ZNF785: variants seen among roughly 807,000 people sequenced by gnomAD.
The protein encoded by ZNF785 is zinc finger protein 785.
Under a neutral mutation model 11.3 loss-of-function variants are expected in ZNF785, and 15 were observed. The observed-to-expected ratio is 1.32, with a 90% confidence interval of 0.89 to 2.04. The LOEUF is 2.04. Ranked by LOEUF, ZNF785 falls within the 30% of genes most tolerant of loss-of-function variation. ZNF785 has a pLI of 0.00. For synonymous variants in ZNF785, 221 were observed against 231.0 expected (o/e 0.96, Z 0.39); for missense variants, 572 against 560.9 (o/e 1.02, Z -0.20).
At chr16:30,580,007 C>A (rs2051785834), downstream of ZNF785, among the ~76,000 whole-genome samples, 1 of 151,388 alleles carries the variant, frequency 6.6e-6, no homozygotes, top group South Asian at 2.1e-4. Context: ...CCTGCCTCAG[C>A]CTCCCCAGTA....
chr16:30,580,404 G>A (rs573198948), downstream of ZNF785, among the ~76,000 whole-genome samples: 1 of 149,412 alleles, frequency 6.7e-6, no homozygotes, highest in Admixed American at 6.7e-5. Context: ...ACCCAGGCTG[G>A]AGTGCAGTGG....
Position 30,582,592 on chromosome 16 carries a change from G to A in ZNF785, c.1186C>T (p.His396Tyr), listed in dbSNP as rs2051825799. The A allele has an allele frequency of 1.2e-6, 2 of 1,614,108 alleles. No homozygotes were observed. Among genetic ancestry groups the A allele is most frequent in the Admixed American group, 1.7e-5 (1 of 60,022 alleles). Residue 396 changes from histidine (H) to tyrosine (Y), a missense_variant, in exon 3 of 3, where the codon CAC becomes TAC. By Grantham distance (83) the His-to-Tyr change is moderately conservative (BLOSUM62 2). Coordinates refer to ENST00000395216, the MANE Select transcript of ZNF785 (RefSeq NM_152458.7). ...CACTCTTGAAATATATCTGGAAAGT[G>A]CCGGAAGTGAACTGGGGGATCCTTG... Reference protein sequence around the residue: ...GGKDPPVHFRHFPDIFQECG With the variant: ...GGKDPPVHFRYFPDIFQECG
chr16:30,584,691 G>A (rs997205891), intron 2 of ZNF785, among the ~76,000 whole-genome samples: 9 of 152,166 alleles, frequency 5.9e-5, no homozygotes, highest in Admixed American at 4.6e-4. Context: ...GGTTCCACGG[G>A]AAGACCTTCT....
In ZNF785 at chr16:30,583,151, G is replaced by A; in HGVS notation, c.627C>T (p.Phe209=). ...PFSCGQCQAR[F]SQRRYLLQHQ... ...GCTGGAGCAGGTACCTGCGCTGGGA[G>A]AAACGCGCCTGACACTGGCCGCAGG... is the stretch of plus-strand genomic sequence containing the variant. Residue 209 remains phenylalanine, a synonymous_variant, in exon 3 of 3, where the codon TTC becomes TTT. Coordinates refer to ENST00000395216, the MANE Select transcript of ZNF785 (RefSeq NM_152458.7). The A allele has an allele frequency of 1.2e-6, 2 of 1,614,110 alleles. No individual in the cohort carries two copies. Among genetic ancestry groups the A allele is most frequent in the Non-Finnish European group, 1.7e-6 (2 of 1,180,002 alleles).
In ZNF785 at chr16:30,585,443, C is replaced by T. The variant is rs1354355935; in HGVS notation, c.169G>A (p.Val57Met). ...AGGTGGCCGAAGGTCTCCCGCATCA[C>T]GTCCCGGTACAGGGCCCTCTGCGCT... is the stretch of plus-strand genomic sequence containing the variant. ...RPAQRALYRDVMRETFGHLGA... is the reference protein window; with the variant it reads ...RPAQRALYRDMMRETFGHLGA... The change falls in exon 1 of 3, where the codon GTG becomes ATG. Residue 57 changes from valine to methionine, a missense_variant. By Grantham distance (21) the Val-to-Met change is conservative (BLOSUM62 1). Coordinates refer to ENST00000395216, the MANE Select transcript of ZNF785 (RefSeq NM_152458.7). This position sits in a 1 kb window ranked among gnomAD's most constrained non-coding sequence, Gnocchi z 4.0. The T allele has an allele frequency of 1.9e-6, 3 of 1,600,858 alleles. No homozygotes were observed. The highest frequency in any genetic ancestry group is 2.7e-5 in the African/African-American group (2 of 74,656).
downstream of ZNF785, chr16:30,580,626 A>C (rs1016705196): frequency 2.0e-5 from 3 of 146,394 alleles, no homozygotes; most frequent in Admixed American, 2.0e-4. Context: ...AAGTGCTGGG[A>C]TTACAGGTGT....
Position 30,582,836 on chromosome 16 carries a change from A to C in ZNF785, c.942T>G (p.Cys314Trp). 1 of 1,608,896 alleles carries C rather than the reference A, an allele frequency of 6.2e-7. No homozygotes were observed. Among genetic ancestry groups the C allele is most frequent in the Non-Finnish European group, 8.5e-7 (1 of 1,177,352 alleles). The change falls in exon 3 of 3, where the codon TGT becomes TGG. Residue 314 changes from cysteine to tryptophan, a missense_variant. Cys to Trp is a radical substitution (Grantham distance 215). Transcript: ENST00000395216. ...AGGTGAAGCGGCGGCCGCAGTCAGG[A>C]CAGGGGTAGGGCTTCTCGCCGGTGT... The part of the protein sequence containing the change: ...RIHTGEKPYP[C>W]PDCGRRFTYS...
chr16:30,583,548 G>A, intron 2 of ZNF785, 105 bp from the exon 3 acceptor site: 1 of 1,443,174 alleles, frequency 6.9e-7, no homozygotes. Context: ...TCCTGCCTTG[G>A]AAGGCAGCAG....
chr16:30,585,169 T>A lies in ZNF785; in HGVS notation c.287A>T (p.Asp96Val). ...EAWSPEAQDP[D>V]GESSAAFSRG... Reference sequence around the variant, plus strand: ...GCTGAAAGCTGCAGAGCTCTCACCGTCGGGATCCTGGGCCTCCGGGCTCCA... The same window carrying A: ...GCTGAAAGCTGCAGAGCTCTCACCGACGGGATCCTGGGCCTCCGGGCTCCA... Residue 96 changes from aspartate to valine, a missense_variant, in exon 2 of 3, where the codon GAC (aspartate) becomes GTC (valine). Asp to Val is a radical substitution (Grantham distance 152). Coordinates refer to ENST00000395216, the MANE Select transcript of ZNF785 (RefSeq NM_152458.7). This position sits in a 1 kb window ranked among gnomAD's most constrained non-coding sequence, Gnocchi z 4.0. 4 of 1,614,104 alleles carry A rather than the reference T, an allele frequency of 2.5e-6. No homozygotes were observed. The highest frequency in any genetic ancestry group is 3.4e-6 in the Non-Finnish European group (4 of 1,179,962).
rs1179930103 is a variant in ZNF785 at position 30,582,196 on chromosome 16, A to G, written c.*364T>C. ...TCCAGAGTGGGTGCAGGCTCCTTTA[A>G]TAGGCACTGGAATGTAGGGGACCCC... On this transcript the variant is annotated 3_prime_UTR_variant, in exon 3 of 3. Coordinates refer to ENST00000395216, the MANE Select transcript of ZNF785 (RefSeq NM_152458.7). The G allele has an allele frequency of 8.1e-6, 2 of 247,412 alleles. No individual in the cohort carries two copies. The highest frequency in any genetic ancestry group is 1.0e-4 in the Admixed American group (2 of 19,448). The allele number at this position is 247,412 out of a possible 1,614,324, so 15.3% of individuals were successfully genotyped here.
chr16:30,584,341 T>C (rs958670643), intron 2 of ZNF785, among the ~76,000 whole-genome samples: 24 of 151,926 alleles, frequency 1.6e-4, no homozygotes, highest in Non-Finnish European at 3.2e-4. Context: ...CTCTCTGCTC[T>C]TACCATCACC....
intron 2 of ZNF785, among the ~76,000 whole-genome samples, chr16:30,584,382 T>C (rs1342993982): frequency 6.6e-6 from 1 of 152,138 alleles, no homozygotes; most frequent in East Asian, 1.9e-4. Flanking sequence ...TGGGGCACAG[T>C]GACTTACGCC....
In ZNF785 at chr16:30,583,319, A is replaced by C; in HGVS notation, c.459T>G (p.Pro153=). The C allele has an allele frequency of 6.2e-7, 1 of 1,613,982 alleles. No homozygotes were observed. Residue 153 remains proline (P), a synonymous_variant, in exon 3 of 3, where the codon CCT becomes CCG. Transcript: ENST00000395216. ...PSVACPEFCN[P]RQSPMNPWLK... is the part of the protein sequence containing the mutation. Reference sequence around the variant, plus strand: ...GCCAGGGATTCATGGGGCTCTGCCTAGGGTTGCAGAACTCTGGGCAGGCGA... The same window carrying C: ...GCCAGGGATTCATGGGGCTCTGCCTCGGGTTGCAGAACTCTGGGCAGGCGA...
At chr16:30,584,063 G>A (rs762923702) in intron 2 of ZNF785, among the ~76,000 whole-genome samples, 11 of 150,410 alleles carry the variant, frequency 7.3e-5, no homozygotes, top group Non-Finnish European at 1.2e-4. Context: ...GAGAATCCCT[G>A]GAACTGGGGA....
At chr16:30,580,175 C>G (rs1178007367), downstream of ZNF785, among the ~76,000 whole-genome samples, 1 of 143,248 alleles carries the variant, frequency 7.0e-6, no homozygotes, top group Non-Finnish European at 1.5e-5. Flanking sequence ...GCGTGAGCCA[C>G]CACACCAGGC....
Position 30,585,272 on chromosome 16 carries a change from C to G in ZNF785, c.206-22G>C. 1 of 1,612,568 alleles carries G rather than the reference C, an allele frequency of 6.2e-7. No individual in the cohort carries two copies. The highest frequency in any genetic ancestry group is 8.5e-7 in the Non-Finnish European group (1 of 1,179,488). On this transcript the variant is annotated intron_variant, in intron 1 of 2. Transcript: ENST00000395216. This position sits in a 1 kb window ranked among gnomAD's most constrained non-coding sequence, Gnocchi z 4.0. ...AATCCTGCGAAGGAGAAACAATGGG[C>G]TCGGCTGAGCGCACGGGAGGGGAGA...
chr16:30,582,416 A>G lies in ZNF785; in HGVS notation c.*144T>C. On this transcript the variant is annotated 3_prime_UTR_variant, in exon 3 of 3. Coordinates refer to ENST00000395216, the MANE Select transcript of ZNF785 (RefSeq NM_152458.7). ...TTTCAGATTCCTGCCTCCTCCCCAC[A>G]GCCCTCTGTGCCCCTACCTCTGCTT... 8.3e-7 allele frequency: 1 copy of G among 1,206,130 alleles called. No homozygotes were observed. The highest frequency in any genetic ancestry group is 1.1e-6 in the Non-Finnish European group (1 of 882,024). The allele number at this position is 1,206,130 out of a possible 1,614,324, so 74.7% of individuals were successfully genotyped here. A position where few individuals can be genotyped will look rare whatever the true frequency, so the allele number is the denominator to read the frequency against.
rs1455072784 is a variant in ZNF785 at position 30,585,547 on chromosome 16, C to T, written c.65G>A (p.Arg22Lys). 2 of 1,569,378 alleles carry T rather than the reference C, an allele frequency of 1.3e-6. No individual in the cohort carries two copies. Among genetic ancestry groups the T allele is most frequent in the Non-Finnish European group, 1.7e-6 (2 of 1,159,448 alleles). ...VPGEAGPRRT[R>K]ESRPGAVSFA... ...GCTCACGGCGCCCGGCCTGCTTTCC[C>T]TCGTCCTCCGGGGCCCGGCCTCCCC... Residue 22 changes from arginine (R) to lysine (K), a missense_variant, in exon 1 of 3, where the codon AGG becomes AAG. Arg to Lys is a conservative substitution (Grantham distance 26, BLOSUM62 2). Transcript: ENST00000395216. This position sits in a 1 kb window ranked among gnomAD's most constrained non-coding sequence, Gnocchi z 4.0.
Position 30,583,050 on chromosome 16 carries a change from A to G in ZNF785, c.728T>C (p.Leu243Pro). 1 of 1,613,970 alleles carries G rather than the reference A, an allele frequency of 6.2e-7. No individual in the cohort carries two copies. The highest frequency in any genetic ancestry group is 8.5e-7 in the Non-Finnish European group (1 of 1,179,974). ...GGTGTGAGCCCGCCTGTGGATAGCC[A>G]GGGAACCCCTCTGGCGGAAGCGGCG... ...CGRRFRQRGS[L>P]AIHRRAHTGE... The change falls in exon 3 of 3, where the codon CTG (leucine) becomes CCG (proline). Residue 243 changes from leucine to proline, a missense_variant. Leu to Pro is a moderately conservative substitution (Grantham distance 98). Coordinates refer to ENST00000395216, the MANE Select transcript of ZNF785 (RefSeq NM_152458.7).
Sources: gnomAD v4.1 joint callset for allele counts (sites outside exome capture counted in the v4.1 genomes callset) on GRCh38, gnomAD v4.1.1 for gene constraint, Gnocchi (gnomAD v3.1) non-coding constraint, MANE v1.5 for transcripts, NCBI Gene and HGNC (gene_info 2026-07-23, HGNC 2026-07-21) for gene names.